Variants in PLCG2 observed in about 807,000 individuals in gnomAD.
PLCG2 encodes the protein 1-phosphatidylinositol 4,5-bisphosphate phosphodiesterase gamma-2.
In PLCG2, 69 loss-of-function variants were observed where a neutral mutation model predicts 175.6. The observed-to-expected ratio is 0.39, with a 90% CI of 0.32 to 0.48. The LOEUF is 0.48. Ranked by LOEUF, PLCG2 falls within the 20% of genes least tolerant of loss-of-function variation. The pLI is 0.91. For synonymous variants in PLCG2, 827 were observed against 624.0 expected (o/e 1.33, Z -4.85); for missense variants, 1,798 against 1,650.9 (o/e 1.09, Z -1.54).
At chr16:81,850,060 A>T (rs762399423) in intron 2 of PLCG2, among the ~76,000 whole-genome samples, 1 of 152,244 alleles carries the variant, frequency 6.6e-6, no homozygotes, top group Non-Finnish European at 1.5e-5. Flanking sequence ...CACAAGAGAA[A>T]ACAAAAGTAA....
chr16:81,815,302 C>G (rs1329662056), intron 2 of PLCG2, among the ~76,000 whole-genome samples: 1 of 152,152 alleles, frequency 6.6e-6, no homozygotes, highest in Non-Finnish European at 1.5e-5. Context: ...TCCCAGTCCT[C>G]ACCAAGGGGT....
chr16:81,785,088 G>A (rs1357653848), intron 1 of PLCG2, among the ~76,000 whole-genome samples: 1 of 152,134 alleles, frequency 6.6e-6, no homozygotes, highest in Non-Finnish European at 1.5e-5. Flanking sequence ...GTTCAAGTAT[G>A]AGATCCTAGG....
At chr16:81,949,347 A>C (rs1427702672) in intron 31 of PLCG2, among the ~76,000 whole-genome samples, 1 of 152,222 alleles carries the variant, frequency 6.6e-6, no homozygotes, top group Non-Finnish European at 1.5e-5. Flanking sequence ...TAAAAATGTT[A>C]AGTTCCAAGG....
At chr16:81,947,320 CTGAAAGTTTTCTT>C (rs1452884330) in intron 31 of PLCG2, among the ~76,000 whole-genome samples, 2 of 152,194 alleles carry the variant, frequency 1.3e-5, no homozygotes, top group African/African-American at 4.8e-5. Flanking sequence ...AATCTGCTTT[CTGAAAGTTTTCTT>C]TAGTTCAGCT....
chr16:81,870,665 A>G (rs1306975953), intron 6 of PLCG2, among the ~76,000 whole-genome samples, 187 bp from the exon 7 acceptor site: 1 of 152,224 alleles, frequency 6.6e-6, no homozygotes, highest in Non-Finnish European at 1.5e-5. Flanking sequence ...TAGAAAAGCC[A>G]TGTTAAATAG....
At chr16:81,898,596 A>G (rs1316920780) in intron 13 of PLCG2, 1 of 152,000 alleles carries the variant, frequency 6.6e-6, no homozygotes, top group Non-Finnish European at 1.5e-5. Flanking sequence ...TTTCCTATTT[A>G]TGGAAGTGAC....
At chr16:81,927,902 A>C (rs964312015) in intron 23 of PLCG2, among the ~76,000 whole-genome samples, 12 of 152,160 alleles carry the variant, frequency 7.9e-5, no homozygotes, top group Non-Finnish European at 1.5e-4. Context: ...GCTTGGGCTG[A>C]GGCAGAGACT....
At chr16:81,924,897 C>G (rs1910201310) in intron 22 of PLCG2, among the ~76,000 whole-genome samples, 1 of 152,264 alleles carries the variant, frequency 6.6e-6, no homozygotes, top group African/African-American at 2.4e-5. Flanking sequence ...AGAGGCTCGG[C>G]TTTGCCGAAG....
intron 9 of PLCG2, among the ~76,000 whole-genome samples, chr16:81,888,642 C>A (rs1009615259): frequency 6.6e-6 from 1 of 152,152 alleles, no homozygotes; most frequent in African/African-American, 2.4e-5. Flanking sequence ...GATGGGGAGG[C>A]ACAGAGACGG....
chr16:81,837,637 T>C (rs1844516711), intron 2 of PLCG2, among the ~76,000 whole-genome samples: 1 of 151,676 alleles, frequency 6.6e-6, no homozygotes, highest in Admixed American at 6.6e-5. Context: ...CAGTTCCCTT[T>C]CCGTCTTCCT....
chr16:81,880,999 C>G (rs41309274), intron 8 of PLCG2, 46 bp downstream of exon 8: 2 of 1,591,776 alleles, frequency 1.3e-6, no homozygotes, highest in Admixed American at 3.3e-5. Flanking sequence ...TGCCGGACCT[C>G]GGTGCCTGGT....
At chr16:81,953,088 A>G (rs1307016468) in intron 31 of PLCG2, among the ~76,000 whole-genome samples, 1 of 152,242 alleles carries the variant, frequency 6.6e-6, no homozygotes, top group African/African-American at 2.4e-5. Context: ...AGAAGACACC[A>G]GACAAAAGTT....
chr16:81,867,996 C>G (rs1907329623), intron 5 of PLCG2, among the ~76,000 whole-genome samples: 2 of 152,186 alleles, frequency 1.3e-5, no homozygotes, highest in Non-Finnish European at 2.9e-5. Flanking sequence ...ACCACCGTGC[C>G]TGGCCCTCGC....
chr16:81,890,830 G>A (rs1481358651), intron 10 of PLCG2, among the ~76,000 whole-genome samples: 9 of 152,172 alleles, frequency 5.9e-5, no homozygotes, highest in Non-Finnish European at 1.2e-4. Context: ...AAGTTGGGTC[G>A]TGGGTTCACA....
intron 2 of PLCG2, among the ~76,000 whole-genome samples, chr16:81,849,315 A>T (rs1906279681): frequency 6.6e-6 from 1 of 152,256 alleles, no homozygotes; most frequent in African/African-American, 2.4e-5. Flanking sequence ...GGAAATGGAT[A>T]GACGTTGACA....
chr16:81,745,310 A>G (rs1363204766), intron 1 of PLCG2, among the ~76,000 whole-genome samples: 1 of 152,174 alleles, frequency 6.6e-6, no homozygotes, highest in African/African-American at 2.4e-5. Context: ...GCCTTCTTGG[A>G]TGACCTGTGG....
chr16:81,761,111 G>A (rs929256397), intron 2 of PLCG2, among the ~76,000 whole-genome samples: 1 of 152,120 alleles, frequency 6.6e-6, no homozygotes, highest in African/African-American at 2.4e-5. Context: ...TGCCCAGGCT[G>A]GTCTCAAACT....
At chr16:81,891,663 G>A (rs768073907) in intron 11 of PLCG2, 73 bp downstream of exon 11, 8 of 845,372 alleles carry the variant, frequency 9.5e-6, no homozygotes, top group East Asian at 4.9e-5. Context: ...GGTCCGATAC[G>A]CCGCTCCGGT....
intron 6 of PLCG2, among the ~76,000 whole-genome samples, 200 bp downstream of exon 6, chr16:81,869,498 A>G (rs1465695823): frequency 2.6e-5 from 4 of 152,240 alleles, no homozygotes; most frequent in Non-Finnish European, 5.9e-5. Context: ...AATGTAATCA[A>G]TAAAGACCAT....
Sources: allele counts gnomAD v4.1 joint callset (sites outside exome capture counted in the v4.1 genomes callset), GRCh38; gene constraint gnomAD v4.1.1; transcripts MANE v1.5; gene names NCBI Gene and HGNC (gene_info 2026-07-23, HGNC 2026-07-21).